ACACA: variants seen among roughly 807,000 people sequenced by gnomAD.
ACACA encodes acetyl-CoA carboxylase 1.
A neutral mutation model predicts 296.1 loss-of-function variants in ACACA; 103 were observed. The observed-to-expected ratio is 0.35, with a 90% CI of 0.30 to 0.41. The LOEUF is 0.41. Among genes scored for constraint, ACACA ranks in the 10% least tolerant of loss-of-function variants. The probability of loss-of-function intolerance (pLI) is 1.00; values close to 1 mark genes in which losing one functional copy is unlikely to be tolerated. For synonymous variants in ACACA, 953 were observed against 1,038.6 expected (o/e 0.92, Z 1.58); for missense variants, 1,554 against 2,989.7 (o/e 0.52, Z 11.20).
chr17:37,216,297 A>G (rs934722072), intron 29 of ACACA, among the ~76,000 whole-genome samples: 6 of 151,846 alleles, frequency 4.0e-5, no homozygotes, highest in African/African-American at 1.2e-4. Context: ...TTTAGAAGTA[A>G]AGGGTAAATC....
At chr17:37,198,458 T>C (rs1319008751) in intron 35 of ACACA, among the ~76,000 whole-genome samples, 1 of 152,222 alleles carries the variant, frequency 6.6e-6, no homozygotes, top group Non-Finnish European at 1.5e-5. Flanking sequence ...CTCTGGCATG[T>C]CTACCTTAGT....
chr17:37,344,981 G>A (rs2048551266), intron 1 of ACACA, among the ~76,000 whole-genome samples: 1 of 152,120 alleles, frequency 6.6e-6, no homozygotes, highest in African/African-American at 2.4e-5. Flanking sequence ...AACAGTAAGG[G>A]GCAGGGTACA....
chr17:37,406,703 T>G lies in ACACA; in HGVS notation c.-404A>C, dbSNP rs974273926. 1 of 305,796 alleles carries G rather than the reference T, an allele frequency of 3.3e-6. No homozygotes were observed. The highest frequency in any genetic ancestry group is 6.3e-6 in the Non-Finnish European group (1 of 159,406). 18.9% of individuals were successfully genotyped at this position (305,796 alleles called of 1,614,324 possible). ...TCGGATCAAAAGTCAGGCAAGCGGC[T>G]CAGCCCCATCCTCCCAGTCCTCGGG... On this transcript the variant is annotated 5_prime_UTR_variant, in exon 1 of 56. Transcript: ENST00000616317.
chr17:37,125,554 T>C, intron 48 of ACACA, 144 bp downstream of exon 48: 1 of 800,350 alleles, frequency 1.2e-6, no homozygotes, highest in Admixed American at 2.3e-5. Context: ...CCAATTATTT[T>C]GCCTTGGGCA....
intron 1 of ACACA, among the ~76,000 whole-genome samples, chr17:37,394,910 T>C (rs1243847431): frequency 2.0e-5 from 3 of 150,746 alleles, no homozygotes; most frequent in African/African-American, 7.3e-5. Context: ...ATATATAAAA[T>C]ATATAATAAA....
At chr17:37,375,871 A>G in intron 1 of ACACA, 1 of 475,586 alleles carries the variant, frequency 2.1e-6, no homozygotes, top group Non-Finnish European at 3.7e-6. Context: ...AAGTCAGAAG[A>G]AGTCTGAGTG....
chr17:37,234,096 G>T (rs1379273610), intron 25 of ACACA, among the ~76,000 whole-genome samples: 5 of 152,126 alleles, frequency 3.3e-5, no homozygotes, highest in African/African-American at 9.7e-5. Context: ...ATGAAAAAAT[G>T]ATGTAATTAA....
At chr17:37,131,881 G>A (rs1463003209) in intron 45 of ACACA, among the ~76,000 whole-genome samples, 1 of 152,252 alleles carries the variant, frequency 6.6e-6, no homozygotes, top group Non-Finnish European at 1.5e-5. Context: ...GCCCCAAGCT[G>A]AGCAACATGC....
At chr17:37,180,322 A>G (rs962839063) in intron 40 of ACACA, among the ~76,000 whole-genome samples, 1 of 152,218 alleles carries the variant, frequency 6.6e-6, no homozygotes, top group Non-Finnish European at 1.5e-5. Flanking sequence ...CAGAACTTGT[A>G]AACAAATGGT....
chr17:37,349,499 CAT>C (rs994018521), intron 1 of ACACA, among the ~76,000 whole-genome samples: 6 of 146,632 alleles, frequency 4.1e-5, no homozygotes, highest in African/African-American at 7.5e-5. Context: ...ATATATCTTA[CAT>C]ATATATATCT....
chr17:37,302,682 T>C (rs1214599085), intron 3 of ACACA, among the ~76,000 whole-genome samples: 3 of 152,256 alleles, frequency 2.0e-5, no homozygotes, highest in Non-Finnish European at 4.4e-5. Flanking sequence ...TATTTTATTC[T>C]TTTTAATGCT....
At chr17:37,278,528 C>G (rs35784797) in intron 5 of ACACA, among the ~76,000 whole-genome samples, 2 of 152,138 alleles carry the variant, frequency 1.3e-5, no homozygotes, top group African/African-American at 2.4e-5. Context: ...CTGAGGGTAA[C>G]AGGTATTTGT....
At chr17:37,389,777 AT>A (rs529306795) in intron 1 of ACACA, among the ~76,000 whole-genome samples, 1 of 151,698 alleles carries the variant, frequency 6.6e-6, no homozygotes, top group Non-Finnish European at 1.5e-5. Flanking sequence ...GTGAAAAAAT[AT>A]TTTTTTTAAT....
chr17:37,393,538 T>C (rs529962301), intron 1 of ACACA, among the ~76,000 whole-genome samples: 2 of 151,978 alleles, frequency 1.3e-5, no homozygotes, highest in African/African-American at 2.4e-5. Flanking sequence ...GCTCATCAAC[T>C]CTTCTACAAG....
rs540637285 is a variant in ACACA at position 37,165,564 on chromosome 17, T to A, written c.5080-3514A>T. 2.6e-5 allele frequency among the ~76,000 whole-genome samples: 4 copies of A among 152,264 alleles called. 1 individual carries two copies. The South Asian group carries it at 8.3e-4, about 32-fold the overall frequency. On this transcript the variant is annotated intron_variant, in intron 41 of 55. Transcript: ENST00000616317. ...CTCCTCTCCTCTCACTCTGTCCAAA[T>A]CTTACCCATTCCAAAAGGTTCATCC... is the stretch of plus-strand genomic sequence containing the variant.
chr17:37,370,892 G>A (rs952089805), intron 1 of ACACA, among the ~76,000 whole-genome samples: 1 of 149,686 alleles, frequency 6.7e-6, no homozygotes, highest in Non-Finnish European at 1.5e-5. Flanking sequence ...GCTGAGGCAG[G>A]AGAATCGCCT....
chr17:37,294,438 G>A (rs758232134), intron 3 of ACACA, among the ~76,000 whole-genome samples: 1 of 152,128 alleles, frequency 6.6e-6, no homozygotes, highest in Non-Finnish European at 1.5e-5. Context: ...CAATAAGTGT[G>A]CATACAAATA....
chr17:37,235,752 TC>T (rs1670721960), intron 24 of ACACA, among the ~76,000 whole-genome samples: 1 of 152,110 alleles, frequency 6.6e-6, no homozygotes, highest in African/African-American at 2.4e-5. Flanking sequence ...GAACGCCAAA[TC>T]CAACCCAAGG....
At chr17:37,126,721 G>T (rs919102932) in intron 47 of ACACA, among the ~76,000 whole-genome samples, 4 of 152,190 alleles carry the variant, frequency 2.6e-5, no homozygotes, top group Non-Finnish European at 5.9e-5. Flanking sequence ...AGGATGGAGA[G>T]TGTTTTATCT....
Sources: allele counts gnomAD v4.1 joint callset (sites outside exome capture counted in the v4.1 genomes callset), GRCh38; gene constraint gnomAD v4.1.1; transcripts MANE v1.5; gene names NCBI Gene and HGNC (gene_info 2026-07-23, HGNC 2026-07-21).